The following RNF216 variants were observed in gnomAD, a reference collection of about 807,000 sequenced individuals.
The protein encoded by RNF216 is ring finger protein 216.
Under a neutral mutation model 110.8 loss-of-function variants are expected in RNF216, and 72 were observed. The ratio of observed to expected loss-of-function variants is 0.65; its 90% CI spans 0.54 to 0.79. The LOEUF (loss-of-function observed/expected upper bound fraction) is 0.79, where lower values mean the gene tolerates loss of function less well. Ranked by LOEUF, RNF216 falls within the 30% of genes least tolerant of loss-of-function variation. The pLI is 0.00. For synonymous variants in RNF216, 495 were observed against 407.5 expected (o/e 1.21, Z -2.59); for missense variants, 1,342 against 1,141.2 (o/e 1.18, Z -2.54).
At chr7:5,721,693 C>T (rs933021284) in intron 8 of RNF216, among the ~76,000 whole-genome samples, 12 of 152,184 alleles carry the variant, frequency 7.9e-5, no homozygotes, top group Non-Finnish European at 4.4e-5. Context: ...ATGTCCTTAC[C>T]AACACCTATC....
chr7:5,685,722 G>C (rs752745336), intron 13 of RNF216, among the ~76,000 whole-genome samples: 1 of 152,214 alleles, frequency 6.6e-6, no homozygotes, highest in East Asian at 1.9e-4. Flanking sequence ...CAAGTCACCA[G>C]CACTGCAGAT....
At chr7:5,728,682 AC>A (rs1423687624) in intron 7 of RNF216, among the ~76,000 whole-genome samples, 3 of 152,320 alleles carry the variant, frequency 2.0e-5, no homozygotes, top group African/African-American at 7.2e-5. Flanking sequence ...TACAGGTAAG[AC>A]CCAATGAGTA....
At chr7:5,698,940 C>G (rs1279172802) in intron 13 of RNF216, among the ~76,000 whole-genome samples, 1 of 152,174 alleles carries the variant, frequency 6.6e-6, no homozygotes, top group African/African-American at 2.4e-5. Context: ...AAGGGTCTTT[C>G]CAGTCCCCAA....
chr7:5,701,891 G>T (rs1175117307), intron 13 of RNF216, among the ~76,000 whole-genome samples: 1 of 152,168 alleles, frequency 6.6e-6, no homozygotes, highest in African/African-American at 2.4e-5. Flanking sequence ...CCCAAACAAT[G>T]CCTCTTCATG....
chr7:5,687,684 G>T (rs1007015352), intron 13 of RNF216, among the ~76,000 whole-genome samples: 4 of 152,132 alleles, frequency 2.6e-5, no homozygotes, highest in African/African-American at 9.7e-5. Flanking sequence ...GCCCCCAAAT[G>T]ACCAGGAAAT....
chr7:5,622,557 G>A lies in RNF216; in HGVS notation c.*303C>T, dbSNP rs1450141438. On this transcript the variant is annotated 3_prime_UTR_variant, in exon 17 of 17. Transcript: ENST00000389902. ...GCCCAGGTGTGAGCAGCAGGGACCT[G>A]GTCTATGGCCTATGCCATGGACAAG... 4 of 362,078 alleles carry A rather than the reference G, an allele frequency of 1.1e-5. No individual in the cohort carries two copies. The Admixed American group carries it at 1.7e-4, about 16-fold the overall frequency. The allele number at this position is 362,078 out of a possible 1,614,324, so 22.4% of individuals were successfully genotyped here. A position where few individuals can be genotyped will look rare whatever the true frequency, so the allele number is the denominator to read the frequency against.
chr7:5,680,556 C>T lies in RNF216; in HGVS notation c.2062-28046G>A, dbSNP rs2128604843. The T allele has an allele frequency of 6.6e-6, 1 of 152,294 alleles. No homozygotes were observed. Among genetic ancestry groups the T allele is most frequent in the South Asian group, 2.1e-4 (1 of 4,822 alleles). 9.4% of individuals were successfully genotyped at this position (152,294 alleles called of 1,614,324 possible). Reference sequence around the variant, plus strand: ...AGCTGGGACTACAGGCGCGCACCACCATGCTCAGCTAATTTTTTTTGTATT... The same window carrying T: ...AGCTGGGACTACAGGCGCGCACCACTATGCTCAGCTAATTTTTTTTGTATT... On this transcript the variant is annotated intron_variant, in intron 13 of 16. Transcript: ENST00000389902. The surrounding 1 kb of genome is among the most constrained non-coding windows in gnomAD (Gnocchi z 4.3).
intron 9 of RNF216, among the ~76,000 whole-genome samples, chr7:5,720,605 T>C (rs936639674): frequency 2.6e-5 from 4 of 152,162 alleles, no homozygotes; most frequent in Non-Finnish European, 5.9e-5. Context: ...AGCATAGTTA[T>C]AAGAGGTTTG....
At chr7:5,751,544 T>C (rs1419420630) in intron 3 of RNF216, among the ~76,000 whole-genome samples, 1 of 152,154 alleles carries the variant, frequency 6.6e-6, no homozygotes, top group Non-Finnish European at 1.5e-5. Context: ...AAATCTTCAT[T>C]GGGAATCATA....
rs764920439 is a variant in RNF216, at chr7:5,652,470, T to C, written c.2102A>G (p.Asn701Ser). Residue 701 changes from asparagine (N) to serine (S), a missense_variant, in exon 14 of 17, where the codon AAT becomes AGT. By Grantham distance (46) the Asn-to-Ser change is conservative. Transcript: ENST00000389902. ...AGCCAGCTCTTCACAGGTGAGGCCA[T>C]TATGTTCTTTCCAGAGTCCCTGACA... Reference protein sequence around the residue: ...RKCQGLWKEHNGLTCEELAEK... With the variant: ...RKCQGLWKEHSGLTCEELAEK... The C allele has an allele frequency of 8.7e-6, 14 of 1,613,778 alleles. No homozygotes were observed. Among genetic ancestry groups the C allele is most frequent in the African/African-American group, 1.3e-5 (1 of 74,928 alleles).
intron 1 of RNF216, chr7:5,780,280 G>C (rs75742717): frequency 2.0e-5 from 3 of 152,040 alleles, no homozygotes; most frequent in South Asian, 2.1e-4. Context: ...GGCCAGGCTG[G>C]AGCCAGGTGC....
At chr7:5,666,917 T>G (rs192837845) in intron 13 of RNF216, among the ~76,000 whole-genome samples, 1 of 150,944 alleles carries the variant, frequency 6.6e-6, no homozygotes, top group African/African-American at 2.4e-5. Context: ...TGGGCTCAAG[T>G]GATCCTGCCC....
chr7:5,663,716 T>C (rs955680032), intron 13 of RNF216, among the ~76,000 whole-genome samples: 94 of 146,366 alleles, frequency 6.4e-4, no homozygotes, highest in African/African-American at 2.3e-3. Context: ...CTGGCCAACA[T>C]AGTGAACCCT....
intron 3 of RNF216, among the ~76,000 whole-genome samples, chr7:5,746,570 C>T (rs1795041108): frequency 6.6e-6 from 1 of 152,138 alleles, no homozygotes; most frequent in African/African-American, 2.4e-5. Context: ...CCTCAGGTGT[C>T]TTGACTGAGT....
At chr7:5,643,585 T>C (rs2128569402) in intron 14 of RNF216, among the ~76,000 whole-genome samples, 1 of 152,262 alleles carries the variant, frequency 6.6e-6, no homozygotes, top group East Asian at 1.9e-4. Context: ...GGAGCCATAT[T>C]CTGATGGTGG....
At chr7:5,750,289 T>C (rs896325650) in intron 3 of RNF216, among the ~76,000 whole-genome samples, 1 of 152,218 alleles carries the variant, frequency 6.6e-6, no homozygotes, top group African/African-American at 2.4e-5. Context: ...ACACAAAGAC[T>C]AATGTCTGCC....
chr7:5,768,294 G>GAA (rs35195410), intron 1 of RNF216, among the ~76,000 whole-genome samples: 4 of 116,712 alleles, frequency 3.4e-5, no homozygotes, highest in Admixed American at 9.5e-5. Context: ...CTATTAGGGG[G>GAA]AAAAAAAAAA....
At chr7:5,641,448 T>C in intron 14 of RNF216, 72 bp from the exon 15 acceptor site, 1 of 1,211,648 alleles carries the variant, frequency 8.3e-7, no homozygotes, top group Admixed American at 2.1e-5. Flanking sequence ...ATTAAGCATT[T>C]ATTTATTTTC....
chr7:5,640,402 C>A (rs943758452), intron 15 of RNF216, among the ~76,000 whole-genome samples: 3 of 152,174 alleles, frequency 2.0e-5, no homozygotes, highest in East Asian at 1.9e-4. Flanking sequence ...CCCTACAATG[C>A]CCTGAAATGG....
Sources: gnomAD v4.1 joint callset for allele counts (sites outside exome capture counted in the v4.1 genomes callset) on GRCh38, gnomAD v4.1.1 for gene constraint, Gnocchi (gnomAD v3.1) non-coding constraint, MANE v1.5 for transcripts, NCBI Gene and HGNC (gene_info 2026-07-23, HGNC 2026-07-21) for gene names.